The following LHFPL6 variants were observed in gnomAD, a reference collection of about 807,000 sequenced individuals.
The protein encoded by LHFPL6 is LHFPL tetraspan subfamily member 6, also known as LHFPL tetraspan subfamily member 6 protein.
A neutral mutation model predicts 20.6 loss-of-function variants in LHFPL6; 9 were observed. That is an observed-to-expected ratio of 0.44 (90% confidence interval 0.26 to 0.76). The LOEUF (loss-of-function observed/expected upper bound fraction) is 0.76. Among genes scored for constraint, LHFPL6 ranks in the 30% least tolerant of loss-of-function variants. The probability of loss-of-function intolerance (pLI) is 0.20; values close to 1 mark genes in which losing one functional copy is unlikely to be tolerated. For missense variants in LHFPL6, 218 were observed against 253.5 expected (o/e 0.86, Z 0.95); for synonymous variants, 105 against 98.7 (o/e 1.06, Z -0.38).
chr13:39,457,263 A>G (rs984989768), intron 2 of LHFPL6, among the ~76,000 whole-genome samples: 1 of 152,256 alleles, frequency 6.6e-6, no homozygotes, highest in African/African-American at 2.4e-5. Flanking sequence ...GCTTGTATCT[A>G]CAATATACGA....
chr13:39,509,495 C>A (rs6563716), intron 2 of LHFPL6, among the ~76,000 whole-genome samples: 58,463 of 151,608 alleles, frequency 0.39, 13,815 homozygotes, highest in African/African-American at 0.68. Flanking sequence ...TTAAGGTATG[C>A]GCTGAAGTTT....
chr13:39,485,360 G>T (rs12385888), intron 2 of LHFPL6, among the ~76,000 whole-genome samples: 7,727 of 152,138 alleles, frequency 0.051, 475 homozygotes, highest in East Asian at 0.13. Context: ...TGAAAGTATT[G>T]TACAATTAAT....
intron 2 of LHFPL6, among the ~76,000 whole-genome samples, chr13:39,488,152 G>T (rs113869718): frequency 2.6e-5 from 4 of 152,084 alleles, no homozygotes; most frequent in African/African-American, 7.2e-5. Context: ...CATATTACCC[G>T]CATGTAAGGG....
chr13:39,356,408 C>T (rs1338130009), intron 3 of LHFPL6, among the ~76,000 whole-genome samples: 1 of 152,126 alleles, frequency 6.6e-6, no homozygotes, highest in Non-Finnish European at 1.5e-5. Context: ...AAAATGCCTA[C>T]ATCAAGAAGT....
At chr13:39,575,984 G>A (rs1872101333) in intron 2 of LHFPL6, among the ~76,000 whole-genome samples, 1 of 152,192 alleles carries the variant, frequency 6.6e-6, no homozygotes, top group South Asian at 2.1e-4. Context: ...CTTGCAAGGA[G>A]CCCTAGAGGA....
At chr13:39,348,787 C>T (rs1056850158) in intron 3 of LHFPL6, among the ~76,000 whole-genome samples, 3 of 152,192 alleles carry the variant, frequency 2.0e-5, no homozygotes, top group African/African-American at 4.8e-5. Flanking sequence ...GCTTTCGGCA[C>T]CAGCTCTCTC....
Position 39,489,876 on chromosome 13 carries a change from A to G in LHFPL6, c.385+110956T>C, listed in dbSNP as rs1322006784. Among the ~76,000 whole-genome samples, 4 of 152,212 alleles carry G rather than the reference A, an allele frequency of 2.6e-5. No homozygotes were observed. The East Asian group carries it at 7.7e-4, about 29-fold the overall frequency. On this transcript the variant is annotated intron_variant, in intron 2 of 3. Transcript: ENST00000379589. ...GGCCTGGCTTTTTGAATTTGAATTT[A>G]CTATACAACTTTTGGATTTACTACA...
chr13:39,471,565 C>A (rs1191679645), intron 2 of LHFPL6, among the ~76,000 whole-genome samples: 1 of 152,216 alleles, frequency 6.6e-6, no homozygotes, highest in African/African-American at 2.4e-5. Context: ...GGAATCTCTG[C>A]ATACCTCTCT....
intron 2 of LHFPL6, among the ~76,000 whole-genome samples, chr13:39,577,456 T>C (rs1027083133): frequency 2.0e-5 from 3 of 152,200 alleles, no homozygotes; most frequent in Admixed American, 2.0e-4. Context: ...TGAAACTCAA[T>C]GTGCACACAC....
rs577170764 is a variant in LHFPL6 at position 39,557,804 on chromosome 13, G to A, written c.385+43028C>T. On this transcript the variant is annotated intron_variant, in intron 2 of 3. Coordinates refer to ENST00000379589, the MANE Select transcript of LHFPL6 (RefSeq NM_005780.3). ...TCTCTGACAGGTGTTGCTCCTCAGC[G>A]TGCTTGGAAGCCCTCATGAACGGCT... Among the ~76,000 whole-genome samples the A allele has an allele frequency of 5.9e-5, 9 of 152,308 alleles. No homozygotes were observed. In the East Asian group the frequency reaches 9.6e-4, roughly 16 times the overall value.
intron 3 of LHFPL6, among the ~76,000 whole-genome samples, chr13:39,344,514 G>A (rs972841044): frequency 6.6e-6 from 1 of 152,178 alleles, no homozygotes; most frequent in African/African-American, 2.4e-5. Flanking sequence ...GGTGAATACT[G>A]CCATTTATGT....
chr13:39,400,245 T>C (rs1341273772), intron 2 of LHFPL6, among the ~76,000 whole-genome samples: 1 of 152,222 alleles, frequency 6.6e-6, no homozygotes, highest in Non-Finnish European at 1.5e-5. Context: ...AAATTGGTAT[T>C]TGCTGTTGAT....
intron 2 of LHFPL6, among the ~76,000 whole-genome samples, chr13:39,478,909 G>A (rs1381271469): frequency 1.3e-5 from 2 of 151,828 alleles, no homozygotes; most frequent in African/African-American, 4.8e-5. Context: ...ATAATCACAT[G>A]AGCCAACTCC....
At chr13:39,468,000 CA>C (rs1872846476) in intron 2 of LHFPL6, among the ~76,000 whole-genome samples, 1 of 152,102 alleles carries the variant, frequency 6.6e-6, no homozygotes, top group Non-Finnish European at 1.5e-5. Flanking sequence ...AGGGAAGCTT[CA>C]AAAAACAGAG....
intron 2 of LHFPL6, among the ~76,000 whole-genome samples, chr13:39,589,748 G>A (rs1354386203): frequency 6.6e-6 from 1 of 152,092 alleles, no homozygotes; most frequent in Non-Finnish European, 1.5e-5. Context: ...AACAATGGGT[G>A]TCTACACTAG....
chr13:39,437,519 A>G (rs1044289349), intron 2 of LHFPL6, among the ~76,000 whole-genome samples: 15 of 152,358 alleles, frequency 9.8e-5, no homozygotes, highest in Non-Finnish European at 1.9e-4. Flanking sequence ...AGAAACTTCT[A>G]TGCTTTCTGC....
At chr13:39,500,718 T>C (rs1869265748) in intron 2 of LHFPL6, among the ~76,000 whole-genome samples, 1 of 152,226 alleles carries the variant, frequency 6.6e-6, no homozygotes, top group South Asian at 2.1e-4. Flanking sequence ...TCAAACCTTT[T>C]AAAATGTATA....
intron 3 of LHFPL6, among the ~76,000 whole-genome samples, chr13:39,372,512 C>A (rs1157599049): frequency 2.0e-5 from 3 of 152,212 alleles, no homozygotes; most frequent in Non-Finnish European, 4.4e-5. Flanking sequence ...TGGATTCACA[C>A]CTACTCCTTG....
At chr13:39,494,507 C>T (rs1027322768) in intron 2 of LHFPL6, among the ~76,000 whole-genome samples, 33 of 152,094 alleles carry the variant, frequency 2.2e-4, no homozygotes, top group African/African-American at 7.2e-4. Context: ...CTGGCCACCC[C>T]GCTCACTCCC....
Sources: allele counts gnomAD v4.1 joint callset (sites outside exome capture counted in the v4.1 genomes callset), GRCh38; gene constraint gnomAD v4.1.1; transcripts MANE v1.5; gene names NCBI Gene and HGNC (gene_info 2026-07-23, HGNC 2026-07-21).